FAIM: variants seen among roughly 807,000 people sequenced by gnomAD.
FAIM encodes fas apoptotic inhibitory molecule 1.
A neutral mutation model predicts 21.2 loss-of-function variants in FAIM; 14 were observed. The observed-to-expected ratio is 0.66, with a 90% confidence interval of 0.44 to 1.03. The LOEUF (loss-of-function observed/expected upper bound fraction) is 1.03. FAIM is among the 50% of genes least tolerant of loss of function. The pLI is 0.00. For synonymous variants in FAIM, 86 were observed against 80.4 expected (o/e 1.07, Z -0.37); for missense variants, 222 against 247.1 (o/e 0.90, Z 0.68).
At chr3:138,609,238 G>A (rs2042724013) in intron 1 of FAIM, 1 of 151,852 alleles carries the variant, frequency 6.6e-6, no homozygotes, top group African/African-American at 2.4e-5. Context: ...AGGTGGAGGT[G>A]CGGCGGGGCG....
rs1301521141 is a variant in FAIM at position 138,629,149 on chromosome 3, A to AG, written c.450dup (p.Thr151AspfsTer4). Reference sequence around the variant, plus strand: ...GTATGGTGCAATGGTAAAAAATTGGAGACAGCGGTAAGTTGACTATTTGAT... The same window carrying AG: ...GTATGGTGCAATGGTAAAAAATTGGAGGACAGCGGTAAGTTGACTATTTGAT... On this transcript the variant is annotated frameshift_variant, in exon 5 of 6. Transcript: ENST00000360570. LOFTEE classifies it high-confidence loss of function. The AG allele has an allele frequency of 3.1e-6, 5 of 1,611,140 alleles. No homozygotes were observed. The highest frequency in any genetic ancestry group is 1.7e-5 in the Admixed American group (1 of 59,922).
At chr3:138,631,119 C>T (rs2043000335) in intron 5 of FAIM, 1 of 143,442 alleles carries the variant, frequency 7.0e-6, no homozygotes, top group Non-Finnish European at 1.5e-5. Context: ...GCCTCGGTAA[C>T]AGAATGTGAG....
At chr3:138,618,817 T>C (rs1041935448) in intron 1 of FAIM, among the ~76,000 whole-genome samples, 2 of 152,168 alleles carry the variant, frequency 1.3e-5, no homozygotes, top group Non-Finnish European at 2.9e-5. Context: ...TAAACTAGGA[T>C]AGATCTTGGA....
At chr3:138,624,703 A>G (rs1026268663) in intron 4 of FAIM, among the ~76,000 whole-genome samples, 2 of 152,210 alleles carry the variant, frequency 1.3e-5, no homozygotes, top group Non-Finnish European at 2.9e-5. Flanking sequence ...AGGCTCCAGG[A>G]TCAGAGCTGT....
intron 1 of FAIM, among the ~76,000 whole-genome samples, chr3:138,613,071 A>G (rs1370798084): frequency 1.3e-5 from 2 of 149,054 alleles, no homozygotes; most frequent in Non-Finnish European, 3.0e-5. Flanking sequence ...CTGGAGTGCA[A>G]TGGCATGATC....
chr3:138,620,149 T>C (rs2042868994), intron 2 of FAIM, among the ~76,000 whole-genome samples: 1 of 152,334 alleles, frequency 6.6e-6, no homozygotes, highest in Non-Finnish European at 1.5e-5. Flanking sequence ...ATCCTAGGTT[T>C]AAATCCTACC....
chr3:138,619,820 T>G (rs767433804), intron 2 of FAIM, 50 bp downstream of exon 2: 1 of 1,510,280 alleles, frequency 6.6e-7, no homozygotes, highest in Admixed American at 1.8e-5. Flanking sequence ...TTCAAGATTG[T>G]TATCATTCAA....
At chr3:138,620,952 A>G (rs1027240929) in intron 2 of FAIM, among the ~76,000 whole-genome samples, 1 of 152,204 alleles carries the variant, frequency 6.6e-6, no homozygotes, top group African/African-American at 2.4e-5. Context: ...ACAAATCCCT[A>G]GTGCGAGTTT....
intron 2 of FAIM, among the ~76,000 whole-genome samples, chr3:138,620,078 AGAG>A (rs1560495810): frequency 6.6e-6 from 1 of 152,220 alleles, no homozygotes; most frequent in African/African-American, 2.4e-5. Context: ...TAGAGCGTAC[AGAG>A]GAGATTAGGG....
chr3:138,619,281 G>A (rs1329589207), intron 1 of FAIM, among the ~76,000 whole-genome samples: 6 of 152,162 alleles, frequency 3.9e-5, no homozygotes, highest in African/African-American at 1.4e-4. Context: ...GATGCTCCCA[G>A]AAGATACATT....
At chr3:138,625,419 C>T (rs937458196) in intron 4 of FAIM, among the ~76,000 whole-genome samples, 13 of 151,326 alleles carry the variant, frequency 8.6e-5, no homozygotes, top group Admixed American at 3.3e-4. Context: ...GCTGAGATTG[C>T]GCCACTGCAC....
At chr3:138,611,803 A>T (rs2042772212) in intron 1 of FAIM, among the ~76,000 whole-genome samples, 1 of 152,238 alleles carries the variant, frequency 6.6e-6, no homozygotes, top group African/African-American at 2.4e-5. Context: ...CTACACAGCC[A>T]GCTCTCCTTT....
In FAIM at chr3:138,629,161, G is replaced by A; in HGVS notation, c.456+5G>A. Reference sequence around the variant, plus strand: ...GGTAAAAAATTGGAGACAGCGGTAAGTTGACTATTTGATGACTCTAAGTGC... The same window carrying A: ...GGTAAAAAATTGGAGACAGCGGTAAATTGACTATTTGATGACTCTAAGTGC... On this transcript the variant is annotated splice_donor_5th_base_variant and intron_variant, in intron 5 of 5. Transcript: ENST00000360570. 1.2e-6 allele frequency: 2 copies of A among 1,608,938 alleles called. No individual in the cohort carries two copies. The highest frequency in any genetic ancestry group is 1.7e-6 in the Non-Finnish European group (2 of 1,176,942).
At chr3:138,628,737 T>C (rs939387688) in intron 4 of FAIM, among the ~76,000 whole-genome samples, 27 of 151,900 alleles carry the variant, frequency 1.8e-4, no homozygotes, top group East Asian at 1.9e-4. Context: ...CCTGCCTCAG[T>C]CTCCCAAAGT....
intron 1 of FAIM, among the ~76,000 whole-genome samples, chr3:138,616,515 T>C (rs1208064913): frequency 3.9e-5 from 6 of 152,024 alleles, no homozygotes; most frequent in African/African-American, 1.4e-4. Flanking sequence ...GCTGGGACTA[T>C]AGGCACGTGC....
In FAIM at chr3:138,622,375, G is replaced by A; in HGVS notation, c.365G>A (p.Trp122Ter). The A allele has an allele frequency of 3.7e-6, 6 of 1,612,212 alleles. No individual in the cohort carries two copies. The highest frequency in any genetic ancestry group is 5.1e-6 in the Non-Finnish European group (6 of 1,179,480). Residue 122 changes from tryptophan (W) to a stop codon, truncating the protein, a stop_gained, in exon 4 of 6, where the codon TGG (tryptophan) becomes TAG (stop). Transcript: ENST00000360570. LOFTEE classifies it high-confidence loss of function. ...MEDRSKTTNTWVLHMDGENFR... is the reference protein window; with the variant it reads ...MEDRSKTTNT ...GACAGATCAAAAACCACCAATACTTGGGTATTACACATGGATGGTGAGAAC... is the reference window on the plus strand; with the variant it reads ...GACAGATCAAAAACCACCAATACTTAGGTATTACACATGGATGGTGAGAAC...
At position 138,633,040 on chromosome 3, in the gene FAIM, C is replaced by CT. The variant is rs1560502537; in HGVS notation, c.567_568insT (p.Ile190TyrfsTer4). ...GGAAAGAAGGGATTATTCATACTCT[C>CT]ATTGTGGATAATAGAGAAATCCCAG... On this transcript the variant is annotated frameshift_variant, in exon 6 of 6. Transcript: ENST00000360570. LOFTEE classifies it high-confidence loss of function. The CT allele has an allele frequency of 1.2e-6, 2 of 1,613,576 alleles. No homozygotes were observed. Among genetic ancestry groups the CT allele is most frequent in the Non-Finnish European group, 1.7e-6 (2 of 1,179,760 alleles).
intron 4 of FAIM, among the ~76,000 whole-genome samples, chr3:138,627,706 T>C (rs1577017017): frequency 6.6e-6 from 1 of 152,192 alleles, no homozygotes; most frequent in South Asian, 2.1e-4. Context: ...TACCTGCACC[T>C]GTGACTATAG....
At chr3:138,623,097 A>G (rs1251324892) in intron 4 of FAIM, among the ~76,000 whole-genome samples, 1 of 151,846 alleles carries the variant, frequency 6.6e-6, no homozygotes, top group Non-Finnish European at 1.5e-5. Flanking sequence ...ATTTCTCTTT[A>G]TAAATATATC....
Sources: allele counts gnomAD v4.1 joint callset (sites outside exome capture counted in the v4.1 genomes callset), GRCh38; gene constraint gnomAD v4.1.1; transcripts MANE v1.5; gene names NCBI Gene and HGNC (gene_info 2026-07-23, HGNC 2026-07-21).